Variants in ACTR3C observed in about 807,000 individuals in gnomAD.
ACTR3C encodes the protein actin-related protein 3C.
A neutral mutation model predicts 26.3 loss-of-function variants in ACTR3C; 18 were observed. The observed-to-expected ratio is 0.68, with a 90% CI of 0.47 to 1.01. ACTR3C has a LOEUF of 1.01. ACTR3C is among the 50% of genes least tolerant of loss of function. The pLI is 0.00. For synonymous variants in ACTR3C, 55 were observed against 94.5 expected, an observed-to-expected ratio of 0.58 and a Z score of 2.42; for missense variants, 184 against 250.7, an observed-to-expected ratio of 0.73 and a Z score of 1.80.
the ACTR3C span, among the ~76,000 whole-genome samples, chr7:149,928,615 G>A: frequency 6.6e-6 from 1 of 151,954 alleles, no homozygotes; most frequent in South Asian, 2.1e-4. Flanking sequence ...GCAGAGGTGG[G>A]CAGATCACCT....
At chr7:150,231,406 G>C in the ACTR3C span, among the ~76,000 whole-genome samples, 5 of 151,778 alleles carry the variant, frequency 3.3e-5, no homozygotes, top group Admixed American at 3.3e-4. Context: ...ACAAAAGCTG[G>C]TTGTTAAATA....
At chr7:150,261,601 C>A (rs1179324958) in intron 6 of ACTR3C, among the ~76,000 whole-genome samples, 5 of 152,216 alleles carry the variant, frequency 3.3e-5, no homozygotes, top group Non-Finnish European at 7.3e-5. Context: ...ACTTGGGAGG[C>A]TGAGGCAGCA....
the ACTR3C span, among the ~76,000 whole-genome samples, chr7:150,038,877 C>A: frequency 1.7e-5 from 2 of 114,468 alleles, no homozygotes; most frequent in African/African-American, 3.1e-5. Context: ...GTCCCTGCCT[C>A]GCGGGGGGTG....
At chr7:150,117,651 C>T in the ACTR3C span, among the ~76,000 whole-genome samples, 10 of 152,318 alleles carry the variant, frequency 6.6e-5, no homozygotes, top group Admixed American at 1.3e-4. Flanking sequence ...TGGCTGTGGG[C>T]GCAGCTTCAG....
chr7:150,276,164 G>A (rs192859732), intron 6 of ACTR3C, among the ~76,000 whole-genome samples: 12 of 152,230 alleles, frequency 7.9e-5, no homozygotes, highest in Admixed American at 2.0e-4. Context: ...CAGAAAGATT[G>A]GAAATAAAAT....
the ACTR3C span, among the ~76,000 whole-genome samples, chr7:150,075,485 A>C: frequency 6.6e-6 from 1 of 151,894 alleles, no homozygotes; most frequent in Non-Finnish European, 1.5e-5. Context: ...TCTAGAAAGC[A>C]CAAAGGAGGG....
chr7:149,974,656 C>A, the ACTR3C span, among the ~76,000 whole-genome samples: 1 of 152,166 alleles, frequency 6.6e-6, no homozygotes, highest in Admixed American at 6.5e-5. Flanking sequence ...TTATTTTATA[C>A]CTTTGGGCTC....
At chr7:150,088,687 T>G in the ACTR3C span, among the ~76,000 whole-genome samples, 1 of 152,218 alleles carries the variant, frequency 6.6e-6, no homozygotes, top group Non-Finnish European at 1.5e-5. Context: ...TTGTTATTGT[T>G]CTATCATTTT....
the ACTR3C span, among the ~76,000 whole-genome samples, chr7:150,148,482 G>GA: frequency 0.014 from 2,060 of 151,012 alleles, 71 homozygotes; most frequent in East Asian, 0.14. Flanking sequence ...GTCTCGGGCG[G>GA]AAAAAAAAAG....
At chr7:149,937,881 G>A in the ACTR3C span, among the ~76,000 whole-genome samples, 1 of 152,158 alleles carries the variant, frequency 6.6e-6, no homozygotes. Flanking sequence ...ACACGAGATG[G>A]GAGGTTGACT....
At chr7:150,036,024 C>G in the ACTR3C span, among the ~76,000 whole-genome samples, 34 of 128,838 alleles carry the variant, frequency 2.6e-4, 1 homozygote, top group African/African-American at 1.1e-3. Context: ...CGATGGGGTC[C>G]TAAGAGCAAA....
the ACTR3C span, among the ~76,000 whole-genome samples, chr7:150,208,693 A>G: frequency 1.8e-4 from 27 of 152,280 alleles, 1 homozygote; most frequent in East Asian, 5.2e-3. Flanking sequence ...ATAGCTCTGA[A>G]GTAGGTTTAG....
the ACTR3C span, among the ~76,000 whole-genome samples, chr7:150,050,174 C>T: frequency 3.3e-5 from 5 of 152,168 alleles, no homozygotes; most frequent in Admixed American, 6.5e-5. Context: ...GCGATCCTGA[C>T]ATTTCACTAA....
the ACTR3C span, among the ~76,000 whole-genome samples, chr7:150,050,484 G>T: frequency 6.6e-6 from 1 of 152,142 alleles, no homozygotes; most frequent in Non-Finnish European, 1.5e-5. Flanking sequence ...TATGATAAGC[G>T]ATTTCTGCTT....
the ACTR3C span, among the ~76,000 whole-genome samples, chr7:149,909,957 T>G: frequency 6.8e-6 from 1 of 148,114 alleles, no homozygotes; most frequent in Admixed American, 6.7e-5. Context: ...TACTAACATA[T>G]AAATTACATT....
the ACTR3C span, among the ~76,000 whole-genome samples, chr7:150,035,207 G>T: frequency 2.4e-5 from 3 of 126,834 alleles, no homozygotes; most frequent in East Asian, 6.6e-4. Context: ...CTCACGGGGG[G>T]TGCCTCCCAC....
the ACTR3C span, among the ~76,000 whole-genome samples, chr7:149,893,414 T>C: frequency 6.6e-6 from 1 of 152,174 alleles, no homozygotes; most frequent in Admixed American, 6.5e-5. Context: ...TGTCAATAAC[T>C]AATAATAATA....
the ACTR3C span, among the ~76,000 whole-genome samples, chr7:150,039,974 G>A: frequency 7.8e-5 from 11 of 141,918 alleles, 1 homozygote; most frequent in South Asian, 2.2e-4. Flanking sequence ...CCCGCCTCGC[G>A]GGGATTGCCT....
chr7:149,971,987 T>C, the ACTR3C span, among the ~76,000 whole-genome samples: 1 of 152,228 alleles, frequency 6.6e-6, no homozygotes, highest in Admixed American at 6.5e-5. Flanking sequence ...TCCTGCTTTT[T>C]CTTCCTAGGT....
Sources: gnomAD v4.1 joint callset for allele counts (sites outside exome capture counted in the v4.1 genomes callset) on GRCh38, gnomAD v4.1.1 for gene constraint, MANE v1.5 for transcripts, NCBI Gene and HGNC (gene_info 2026-07-23, HGNC 2026-07-21) for gene names.